PTPRD: variants seen among roughly 807,000 people sequenced by gnomAD.
PTPRD encodes the protein receptor-type tyrosine-protein phosphatase delta.
Under a neutral mutation model 214.5 loss-of-function variants are expected in PTPRD, and 34 were observed. The ratio of observed to expected loss-of-function variants is 0.16; its 90% CI spans 0.12 to 0.21. The LOEUF is 0.21. Among genes scored for constraint, PTPRD ranks in the 10% least tolerant of loss-of-function variants. The pLI is 1.00. For missense variants in PTPRD, 2,545 were observed against 2,398.7 expected (o/e 1.06, Z -1.27); for synonymous variants, 1,128 against 845.7 (o/e 1.33, Z -5.79).
chr9:8,523,437 C>A (rs377375079), intron 19 of PTPRD, 76 bp downstream of exon 19: 592 of 1,512,860 alleles, frequency 3.9e-4, no homozygotes, highest in Non-Finnish European at 5.2e-4. Context: ...CAGCTACATT[C>A]ATTTCATTTG....
intron 9 of PTPRD, among the ~76,000 whole-genome samples, chr9:9,225,384 C>T (rs879416526): frequency 1.3e-5 from 2 of 151,914 alleles, no homozygotes; most frequent in Non-Finnish European, 2.9e-5. Flanking sequence ...GACCAACCAT[C>T]GTAAGAAATA....
intron 9 of PTPRD, among the ~76,000 whole-genome samples, chr9:9,265,580 G>A (rs1259328569): frequency 6.6e-6 from 1 of 151,430 alleles, no homozygotes; most frequent in African/African-American, 2.4e-5. Flanking sequence ...TAAAAAATAG[G>A]ACATGTATCT....
intron 5 of PTPRD, among the ~76,000 whole-genome samples, chr9:9,800,960 G>A (rs1246901588): frequency 6.6e-6 from 1 of 152,092 alleles, no homozygotes; most frequent in African/African-American, 2.4e-5. Flanking sequence ...AACTGTCCAA[G>A]CACTAATCTC....
intron 8 of PTPRD, among the ~76,000 whole-genome samples, chr9:9,521,115 G>T (rs1287423070): frequency 6.6e-6 from 1 of 152,098 alleles, no homozygotes; most frequent in East Asian, 1.9e-4. Context: ...AACTATTTAA[G>T]AACTAAAGAG....
chr9:9,975,508 C>T (rs1372528520), intron 4 of PTPRD, among the ~76,000 whole-genome samples: 1 of 152,226 alleles, frequency 6.6e-6, no homozygotes, highest in Non-Finnish European at 1.5e-5. Context: ...ACTAGCAGCA[C>T]TACATCACCT....
intron 3 of PTPRD, among the ~76,000 whole-genome samples, chr9:10,109,689 C>T (rs72694880): frequency 1.3e-5 from 2 of 152,008 alleles, no homozygotes; most frequent in South Asian, 2.1e-4. Context: ...TACCTGACAA[C>T]GGGTTGAGTG....
intron 35 of PTPRD, among the ~76,000 whole-genome samples, chr9:8,408,183 T>C (rs1212125707): frequency 2.6e-5 from 4 of 152,168 alleles, no homozygotes; most frequent in African/African-American, 9.7e-5. Flanking sequence ...AAGTTGACTT[T>C]CACTTCAACC....
chr9:9,202,806 A>G (rs533136667), intron 9 of PTPRD, among the ~76,000 whole-genome samples: 57 of 152,252 alleles, frequency 3.7e-4, no homozygotes, highest in African/African-American at 1.3e-3. Flanking sequence ...TTTGCTCTTG[A>G]TCTTTGAAGC....
chr9:9,641,847 C>A (rs2095969284), intron 7 of PTPRD, among the ~76,000 whole-genome samples: 1 of 152,066 alleles, frequency 6.6e-6, no homozygotes, highest in South Asian at 2.1e-4. Flanking sequence ...ATCACCCTAG[C>A]ACCTGGACCC....
intron 11 of PTPRD, among the ~76,000 whole-genome samples, chr9:8,806,010 A>AT (rs1566210068): frequency 6.7e-6 from 1 of 150,212 alleles, no homozygotes; most frequent in East Asian, 2.0e-4. Flanking sequence ...AAAAAAAAAA[A>AT]AAGAAAGAAA....
chr9:10,135,146 C>A (rs2098932767), intron 3 of PTPRD, among the ~76,000 whole-genome samples: 1 of 152,100 alleles, frequency 6.6e-6, no homozygotes, highest in African/African-American at 2.4e-5. Flanking sequence ...AAGATAAGTC[C>A]TTTGAATCAG....
intron 10 of PTPRD, among the ~76,000 whole-genome samples, chr9:9,037,438 G>T (rs907859730): frequency 2.0e-5 from 3 of 152,018 alleles, no homozygotes; most frequent in Non-Finnish European, 4.4e-5. Flanking sequence ...CCTTCTCCAG[G>T]GTGAACTTTT....
chr9:9,132,076 A>C (rs1460849823), intron 10 of PTPRD, among the ~76,000 whole-genome samples: 2 of 151,942 alleles, frequency 1.3e-5, no homozygotes, highest in African/African-American at 2.4e-5. Context: ...GGCACGATCT[A>C]GGCTCACTGT....
At chr9:10,286,148 T>C (rs575419718) in intron 3 of PTPRD, among the ~76,000 whole-genome samples, 1 of 152,328 alleles carries the variant, frequency 6.6e-6, no homozygotes, top group East Asian at 1.9e-4. Flanking sequence ...ACTTGTCCTT[T>C]TGTATGCATG....
intron 3 of PTPRD, among the ~76,000 whole-genome samples, chr9:10,247,044 G>C (rs1209112276): frequency 2.0e-5 from 3 of 152,032 alleles, no homozygotes; most frequent in African/African-American, 7.2e-5. Flanking sequence ...AATTGCTATA[G>C]GGTCAAAGAG....
intron 11 of PTPRD, among the ~76,000 whole-genome samples, chr9:8,931,590 A>C (rs1279822166): frequency 3.3e-5 from 5 of 152,164 alleles, no homozygotes; most frequent in Non-Finnish European, 5.9e-5. Flanking sequence ...CTTCCTATCC[A>C]TGAGCATGGA....
At chr9:9,041,243 C>G (rs147702870) in intron 10 of PTPRD, among the ~76,000 whole-genome samples, 83 of 152,124 alleles carry the variant, frequency 5.5e-4, no homozygotes, top group African/African-American at 1.9e-3. Flanking sequence ...CTCAGGGGTA[C>G]AGGTGCGGGT....
intron 3 of PTPRD, among the ~76,000 whole-genome samples, chr9:10,122,327 C>T (rs1041411175): frequency 6.6e-6 from 1 of 152,018 alleles, no homozygotes; most frequent in African/African-American, 2.4e-5. Flanking sequence ...TAATTTCTTG[C>T]AATTATGCAA....
intron 11 of PTPRD, among the ~76,000 whole-genome samples, chr9:8,795,358 C>G (rs10120008): frequency 0.65 from 98,054 of 151,740 alleles, 31,820 homozygotes; most frequent in Middle Eastern, 0.73. Flanking sequence ...GTAGAGACAG[C>G]GTTTCACCAC....
Sources: allele counts gnomAD v4.1 joint callset (sites outside exome capture counted in the v4.1 genomes callset), GRCh38; gene constraint gnomAD v4.1.1; transcripts MANE v1.5; gene names NCBI Gene and HGNC (gene_info 2026-07-23, HGNC 2026-07-21).